Variants in UGT1A6 observed in about 807,000 individuals in gnomAD.
The protein encoded by UGT1A6 is UDP-glucuronosyltransferase 1A6.
A neutral mutation model predicts 44.4 loss-of-function variants in UGT1A6; 32 were observed. The ratio of observed to expected loss-of-function variants is 0.72; its 90% confidence interval spans 0.54 to 0.97. UGT1A6 has a LOEUF of 0.97. Among genes scored for constraint, UGT1A6 ranks in the 50% least tolerant of loss-of-function variants. The probability of loss-of-function intolerance (pLI) is 0.00; values close to 1 mark genes in which losing one functional copy is unlikely to be tolerated. For synonymous variants in UGT1A6, 238 were observed against 248.5 expected (o/e 0.96, Z 0.40); for missense variants, 685 against 661.9 (o/e 1.03, Z -0.38).
At position 233,693,801 on chromosome 2, in the gene UGT1A6, C is replaced by T. The variant is rs774342774; in HGVS notation, c.797C>T (p.Pro266Leu). The T allele has an allele frequency of 2.8e-5, 45 of 1,614,038 alleles. No homozygotes were observed. Among genetic ancestry groups the T allele is most frequent in the Non-Finnish European group, 3.3e-5 (39 of 1,180,036 alleles). Reference sequence around the variant, plus strand: ...GACTTTGTGCTTGAATATCCTAGGCCGGTCATGCCCAACATGGTCTTCATT... The same window carrying T: ...GACTTTGTGCTTGAATATCCTAGGCTGGTCATGCCCAACATGGTCTTCATT... ...RYDFVLEYPR[P>L]VMPNMVFIGG... Residue 266 changes from proline to leucine, a missense_variant, in exon 1 of 5, where the codon CCG becomes CTG. Coordinates refer to ENST00000305139, the MANE Select transcript of UGT1A6 (RefSeq NM_001072.4).
At chr2:233,717,042 C>A (rs1248182808) in intron 1 of UGT1A6, among the ~76,000 whole-genome samples, 1 of 152,282 alleles carries the variant, frequency 6.6e-6, no homozygotes, top group South Asian at 2.1e-4. Context: ...GATACATGGG[C>A]CTCCGCAGGG....
chr2:233,767,792 T>C (rs1011366406), intron 2 of UGT1A6, 57 bp from the exon 3 acceptor site: 6 of 1,614,068 alleles, frequency 3.7e-6, no homozygotes, highest in Non-Finnish European at 3.4e-6. Context: ...ATAGCAGATT[T>C]GTTTTCTAAT....
intron 1 of UGT1A6, chr2:233,754,742 G>A: frequency 1.4e-6 from 1 of 717,428 alleles, no homozygotes; most frequent in Non-Finnish European, 2.2e-6. Context: ...CGTAGGACAT[G>A]CAGAAGGAAG....
Position 233,747,654 on chromosome 2 carries a change from G to A in UGT1A6, c.862-19380G>A, listed in dbSNP as rs538867928. 1.4e-5 allele frequency: 22 copies of A among 1,591,158 alleles called. No individual in the cohort carries two copies. In the South Asian group the frequency reaches 2.4e-4, roughly 18 times the overall value. On this transcript the variant is annotated intron_variant, in intron 1 of 4. Coordinates refer to ENST00000305139, the MANE Select transcript of UGT1A6 (RefSeq NM_001072.4). ...GCACCTGAATGCTACTTCCTTCGAT[G>A]TGGTTTTAATAGACCCAATTTACCT...
At chr2:233,729,089 G>A (rs373016756) in intron 1 of UGT1A6, 93 of 1,612,442 alleles carry the variant, frequency 5.8e-5, no homozygotes, top group Middle Eastern at 2.1e-4. Flanking sequence ...CAGGCACAGC[G>A]TGGGGTGGAC....
At chr2:233,717,540 G>T (rs1338112101) in intron 1 of UGT1A6, among the ~76,000 whole-genome samples, 1 of 152,252 alleles carries the variant, frequency 6.6e-6, no homozygotes, top group African/African-American at 2.4e-5. Context: ...GGAAGCCTCA[G>T]CCTCACCAGC....
At chr2:233,738,878 T>C (rs1427489972) in intron 1 of UGT1A6, 3 of 152,250 alleles carry the variant, frequency 2.0e-5, no homozygotes, top group Admixed American at 6.5e-5. Flanking sequence ...CTCCAGGGCA[T>C]GTCAGAGACC....
intron 1 of UGT1A6, among the ~76,000 whole-genome samples, chr2:233,706,495 C>A (rs982553703): frequency 2.0e-5 from 3 of 152,192 alleles, no homozygotes; most frequent in African/African-American, 7.2e-5. Flanking sequence ...GGTGTCCAGG[C>A]TGGTGTGATG....
In UGT1A6 at chr2:233,769,970, G is replaced by A. The variant is rs1018671340; in HGVS notation, c.1301+1531G>A. On this transcript the variant is annotated intron_variant, in intron 4 of 4. Coordinates refer to ENST00000305139, the MANE Select transcript of UGT1A6 (RefSeq NM_001072.4). The surrounding 1 kb of genome is among the most constrained non-coding windows in gnomAD (Gnocchi z 4.4). ...AGCGGCTTCTTCTGGCCACCTCAAT[G>A]TCAGGATGTCCTGCTCACATATCAA... 2.9e-5 allele frequency: 6 copies of A among 208,668 alleles called. No individual in the cohort carries two copies. The highest frequency in any genetic ancestry group is 2.2e-4 in the South Asian group (2 of 9,026). The allele number at this position is 208,668 out of a possible 1,614,324, so 12.9% of individuals were successfully genotyped here.
chr2:233,768,568 G>A, intron 4 of UGT1A6, 129 bp downstream of exon 4: 1 of 1,402,764 alleles, frequency 7.1e-7, no homozygotes, highest in Non-Finnish European at 9.3e-7. Context: ...TAAAAATCTG[G>A]ATTTTTATTT....
chr2:233,747,661 T>C lies in UGT1A6; in HGVS notation c.862-19373T>C, dbSNP rs1219859537. ...AATGCTACTTCCTTCGATGTGGTTT[T>C]AATAGACCCAATTTACCTCTGTGGG... On this transcript the variant is annotated intron_variant, in intron 1 of 4. Coordinates refer to ENST00000305139, the MANE Select transcript of UGT1A6 (RefSeq NM_001072.4). 26 of 1,599,782 alleles carry C rather than the reference T, an allele frequency of 1.6e-5. No individual in the cohort carries two copies. The East Asian group carries it at 5.8e-4, about 36-fold the overall frequency.
At chr2:233,749,714 G>C (rs1485343485) in intron 1 of UGT1A6, among the ~76,000 whole-genome samples, 2 of 151,806 alleles carry the variant, frequency 1.3e-5, no homozygotes, top group Non-Finnish European at 2.9e-5. Flanking sequence ...TGGATCATGG[G>C]GGCAGTTTCG....
chr2:233,767,305 GT>G (rs1444114295), intron 2 of UGT1A6, 140 bp downstream of exon 2: 24 of 1,519,088 alleles, frequency 1.6e-5, no homozygotes, highest in Middle Eastern at 1.8e-4. Context: ...TAATCCAAAG[GT>G]TTTTTTTGTT....
At chr2:233,724,982 C>A (rs1242883505) in intron 1 of UGT1A6, among the ~76,000 whole-genome samples, 1 of 134,788 alleles carries the variant, frequency 7.4e-6, no homozygotes. Context: ...GGATCACTCG[C>A]GGTTAGGGGC....
chr2:233,734,966 G>A (rs1165220522), intron 1 of UGT1A6, among the ~76,000 whole-genome samples: 1 of 152,234 alleles, frequency 6.6e-6, no homozygotes, highest in Non-Finnish European at 1.5e-5. Flanking sequence ...AGTGTGATGT[G>A]GTGCTGAGAA....
chr2:233,734,656 T>C (rs2078546605), intron 1 of UGT1A6, among the ~76,000 whole-genome samples: 1 of 152,258 alleles, frequency 6.6e-6, no homozygotes, highest in African/African-American at 2.4e-5. Flanking sequence ...GATTTAATGC[T>C]ATAAATTTCC....
intron 1 of UGT1A6, among the ~76,000 whole-genome samples, chr2:233,759,307 A>C (rs936926400): frequency 6.6e-6 from 1 of 152,192 alleles, no homozygotes; most frequent in Non-Finnish European, 1.5e-5. Context: ...TGAGTGGCTG[A>C]GGTGGGTGAG....
rs185880509 is a variant in UGT1A6 at position 233,715,758 on chromosome 2, C to T, written c.861+21893C>T. 7.9e-5 allele frequency among the ~76,000 whole-genome samples: 12 copies of T among 152,156 alleles called. No individual in the cohort carries two copies. In the East Asian group the frequency reaches 1.9e-3, roughly 24 times the overall value. ...CCTCACTCCAGCCTGAGTGACAGAG[C>T]GAGGACCCATCTCAAAAAAATAAAA... On this transcript the variant is annotated intron_variant, in intron 1 of 4. Coordinates refer to ENST00000305139, the MANE Select transcript of UGT1A6 (RefSeq NM_001072.4).
At chr2:233,729,001 C>T in intron 1 of UGT1A6, 3 of 1,564,662 alleles carry the variant, frequency 1.9e-6, no homozygotes, top group Non-Finnish European at 2.6e-6. Flanking sequence ...TAGAGGAGGG[C>T]ACTCTGTCTT....
Sources: allele counts gnomAD v4.1 joint callset (sites outside exome capture counted in the v4.1 genomes callset), GRCh38; gene constraint gnomAD v4.1.1; non-coding constraint Gnocchi (gnomAD v3.1); transcripts MANE v1.5; gene names NCBI Gene and HGNC (gene_info 2026-07-23, HGNC 2026-07-21).